SLC25A16: variants seen among roughly 807,000 people sequenced by gnomAD.
SLC25A16 encodes the protein solute carrier family 25 member 16.
Under a neutral mutation model 41.5 loss-of-function variants are expected in SLC25A16, and 39 were observed. The ratio of observed to expected loss-of-function variants is 0.94; its 90% CI spans 0.73 to 1.23. The LOEUF (loss-of-function observed/expected upper bound fraction) is 1.23. Among genes scored for constraint, SLC25A16 ranks in the 50% most tolerant of loss-of-function variants. The pLI is 0.00. For missense variants in SLC25A16, 421 were observed against 426.9 expected (o/e 0.99, Z 0.12); for synonymous variants, 146 against 147.8 (o/e 0.99, Z 0.09).
At chr10:68,527,094 G>A in intron 1 of SLC25A16, 152 bp downstream of exon 1, 1 of 768,900 alleles carries the variant, frequency 1.3e-6, no homozygotes, top group East Asian at 3.3e-5. Context: ...GTGATTACTA[G>A]AAAGAGGTTA....
At chr10:68,498,168 C>A (rs1199489984) in intron 4 of SLC25A16, among the ~76,000 whole-genome samples, 2 of 152,122 alleles carry the variant, frequency 1.3e-5, no homozygotes, top group Non-Finnish European at 1.5e-5. Context: ...GACTCAAATT[C>A]TATTAATCAG....
chr10:68,498,533 A>G (rs780309013), intron 4 of SLC25A16, among the ~76,000 whole-genome samples: 1 of 150,782 alleles, frequency 6.6e-6, no homozygotes, highest in Non-Finnish European at 1.5e-5. Flanking sequence ...TGTCTCTACA[A>G]AAAAAAATTA....
chr10:68,506,586 G>A lies in SLC25A16; in HGVS notation c.356C>T (p.Thr119Met), dbSNP rs372388887. ...IQFMAFEHYK[T>M]LITTKLGISG... The stretch of plus-strand genomic sequence containing the variant: ...GAGAAAAGATCAAAGTTTAACTACC[G>A]TTTTATAATGCTCAAATGCCATAAA... Residue 119 changes from threonine to methionine, a missense_variant and splice_region_variant, in exon 3 of 9, where the codon ACG becomes ATG. Coordinates refer to ENST00000609923, the MANE Select transcript of SLC25A16 (RefSeq NM_152707.4). The A allele has an allele frequency of 1.7e-5, 27 of 1,573,574 alleles. No individual in the cohort carries two copies. Among genetic ancestry groups the A allele is most frequent in the East Asian group, 1.2e-4 (5 of 42,576 alleles).
At chr10:68,525,309 T>C (rs985361922) in intron 1 of SLC25A16, among the ~76,000 whole-genome samples, 4 of 151,988 alleles carry the variant, frequency 2.6e-5, no homozygotes, top group African/African-American at 7.2e-5. Context: ...CAAATTTTTG[T>C]AGTTTTAGTA....
intron 1 of SLC25A16, 29 bp downstream of exon 1, chr10:68,527,217 G>C (rs756000338): frequency 6.5e-7 from 1 of 1,542,980 alleles, no homozygotes; most frequent in Admixed American, 2.0e-5. Context: ...CACTCAGAGC[G>C]CGGCTGGCTC....
At chr10:68,525,467 C>G (rs1590133682) in intron 1 of SLC25A16, among the ~76,000 whole-genome samples, 2 of 151,844 alleles carry the variant, frequency 1.3e-5, no homozygotes, top group South Asian at 4.1e-4. Flanking sequence ...TTTTTTTCTT[C>G]TTTTAGGAGA....
intron 4 of SLC25A16, among the ~76,000 whole-genome samples, chr10:68,494,670 A>C (rs2133518300): frequency 6.8e-6 from 1 of 146,604 alleles, no homozygotes; most frequent in African/African-American, 2.5e-5. Context: ...TGAGGTCAGG[A>C]GTTCGAGACC....
At chr10:68,493,709 T>A (rs914234039) in intron 4 of SLC25A16, 139 bp from the exon 5 acceptor site, 3 of 680,310 alleles carry the variant, frequency 4.4e-6, no homozygotes, top group Non-Finnish European at 5.0e-6. Flanking sequence ...GACAGAATTA[T>A]ACCATATCAT....
At chr10:68,524,053 G>A (rs1022054551) in intron 1 of SLC25A16, among the ~76,000 whole-genome samples, 6 of 152,052 alleles carry the variant, frequency 3.9e-5, no homozygotes, top group Non-Finnish European at 8.8e-5. Flanking sequence ...GCTCACGCCT[G>A]TAATCCCAGC....
At chr10:68,515,105 C>T (rs1034361663) in intron 2 of SLC25A16, among the ~76,000 whole-genome samples, 3 of 150,338 alleles carry the variant, frequency 2.0e-5, no homozygotes, top group Admixed American at 6.6e-5. Context: ...ACCTGTAATC[C>T]CAGCACTTTG....
At chr10:68,522,587 A>T (rs2053266584) in intron 1 of SLC25A16, among the ~76,000 whole-genome samples, 1 of 152,082 alleles carries the variant, frequency 6.6e-6, no homozygotes, top group Non-Finnish European at 1.5e-5. Flanking sequence ...AGGCCGAGGC[A>T]GGCGGATCAC....
chr10:68,517,391 AT>A, intron 1 of SLC25A16: 1 of 272,594 alleles, frequency 3.7e-6, no homozygotes, highest in Non-Finnish European at 5.6e-6. Flanking sequence ...TGAAAGTAGA[AT>A]AAAGTGCATA....
chr10:68,503,305 C>A, intron 4 of SLC25A16: 1 of 190,756 alleles, frequency 5.2e-6, no homozygotes, highest in Admixed American at 6.0e-5. Flanking sequence ...GTAGAATTGT[C>A]AAAGAGAATG....
chr10:68,520,739 G>A (rs1230510831), intron 1 of SLC25A16, among the ~76,000 whole-genome samples: 1 of 149,934 alleles, frequency 6.7e-6, no homozygotes, highest in Non-Finnish European at 1.5e-5. Context: ...TTGAATCCAG[G>A]AGGCAGAGGT....
In SLC25A16 at chr10:68,527,346, C is replaced by G; in HGVS notation, c.30G>C (p.Leu10=). The G allele has an allele frequency of 6.6e-7, 1 of 1,521,912 alleles. No individual in the cohort carries two copies. Among genetic ancestry groups the G allele is most frequent in the South Asian group, 1.2e-5 (1 of 81,532 alleles). The allele number at this position is 1,521,912 out of a possible 1,614,324, so 94.3% of individuals were successfully genotyped here. Residue 10 remains leucine, a synonymous_variant, in exon 1 of 9, where the codon CTG becomes CTC. Coordinates refer to ENST00000609923, the MANE Select transcript of SLC25A16 (RefSeq NM_152707.4). ...TTGCGGGAGGGGGATCGGCCGCCGC[C>G]AGGGCTGCCGCGGCCGTCGCCGCCG... MAAATAAAA[L]AAADPPPAMP... is the part of the protein sequence containing the mutation.
intron 1 of SLC25A16, among the ~76,000 whole-genome samples, chr10:68,524,203 A>G (rs10823221): frequency 0.24 from 35,935 of 149,328 alleles, 4,948 homozygotes; most frequent in African/African-American, 0.36. Context: ...CCAGCTACTC[A>G]GGAGGCTGAG....
chr10:68,496,098 A>G (rs78076566), intron 4 of SLC25A16, among the ~76,000 whole-genome samples: 270 of 152,290 alleles, frequency 1.8e-3, no homozygotes, highest in African/African-American at 6.2e-3. Flanking sequence ...TTGAGAATCA[A>G]TTCATTTATC....
chr10:68,506,430 G>A (rs919792682), intron 3 of SLC25A16, among the ~76,000 whole-genome samples, 155 bp downstream of exon 3: 4 of 151,416 alleles, frequency 2.6e-5, no homozygotes, highest in South Asian at 2.1e-4. Flanking sequence ...CCTGGGCAGC[G>A]AGACTCTGTC....
In SLC25A16 at chr10:68,507,916, G is replaced by A. The variant is rs1020067690; in HGVS notation, c.224-1198C>T. 6.6e-5 allele frequency among the ~76,000 whole-genome samples: 10 copies of A among 152,110 alleles called. No homozygotes were observed. The South Asian group carries it at 1.0e-3, about 16-fold the overall frequency. On this transcript the variant is annotated intron_variant, in intron 2 of 8. Coordinates refer to ENST00000609923, the MANE Select transcript of SLC25A16 (RefSeq NM_152707.4). ...AAGATATATCCCAAAAGCAGATATC[G>A]AAATGGACTAACATTCTGGTAAGAA...
Sources: gnomAD v4.1 joint callset for allele counts (sites outside exome capture counted in the v4.1 genomes callset) on GRCh38, gnomAD v4.1.1 for gene constraint, MANE v1.5 for transcripts, NCBI Gene and HGNC (gene_info 2026-07-23, HGNC 2026-07-21) for gene names.